MYH15: variants seen among roughly 807,000 people sequenced by gnomAD.
MYH15 encodes the protein myosin-15.
In MYH15, 227 loss-of-function variants were observed where a neutral mutation model predicts 240.5. The observed-to-expected ratio is 0.94, with a 90% CI of 0.85 to 1.05. MYH15 has a LOEUF of 1.05. Ranked by LOEUF, MYH15 falls within the 50% of genes least tolerant of loss-of-function variation. The pLI, the probability that MYH15 is intolerant of heterozygous loss-of-function variation, is 0.00. For synonymous variants in MYH15, 785 were observed against 796.7 expected, an observed-to-expected ratio of 0.99 and a Z score of 0.25; for missense variants, 2,217 against 2,247.5, an observed-to-expected ratio of 0.99 and a Z score of 0.27.
At chr3:108,396,466 A>G (rs1208134328) in intron 35 of MYH15, among the ~76,000 whole-genome samples, 1 of 152,184 alleles carries the variant, frequency 6.6e-6, no homozygotes, top group Non-Finnish European at 1.5e-5. Context: ...TTGCACTCCT[A>G]TGAGAATCTA....
At position 108,454,048 on chromosome 3, in the gene MYH15, C is replaced by A. The variant is rs746095022; in HGVS notation, c.2357G>T (p.Gly786Val). 6.2e-7 allele frequency: 1 copy of A among 1,612,762 alleles called. No individual in the cohort carries two copies. The highest frequency in any genetic ancestry group is 1.1e-5 in the South Asian group (1 of 90,890). ...VFTLFQARAQ[G>V]KLMRIKFQKI... The stretch of plus-strand genomic sequence containing the variant: ...CTGGAATTTGATTCGCATCAGTTTG[C>A]CCTGTGCTCTGGCTTGGAACAATGT... Residue 786 changes from glycine to valine, a missense_variant, in exon 21 of 41, where the codon GGC becomes GTC. Physicochemically the swap from Gly to Val is moderately radical, Grantham distance 109 (BLOSUM62 -3). Coordinates refer to ENST00000693548, the MANE Select transcript of MYH15 (RefSeq NM_014981.3).
chr3:108,540,924 T>G, the MYH15 span, among the ~76,000 whole-genome samples: 2 of 152,096 alleles, frequency 1.3e-5, no homozygotes. Context: ...GTACAAAATA[T>G]GTATATTCAT....
upstream of MYH15, among the ~76,000 whole-genome samples, chr3:108,529,612 CAACAAGGTGGGGA>C (rs2083698782): frequency 6.6e-6 from 1 of 152,124 alleles, no homozygotes; most frequent in Non-Finnish European, 1.5e-5. Flanking sequence ...CATTTTCTTC[CAACAAGGTGGGGA>C]AACAGGGAAA....
In MYH15 at chr3:108,520,697, G is replaced by A. The variant is rs79691594; in HGVS notation, c.-58+8566C>T. 7.5e-3 allele frequency among the ~76,000 whole-genome samples: 1,141 copies of A among 152,226 alleles called. 97 individuals are homozygous for A. In the East Asian group the frequency reaches 0.19, roughly 25 times the overall value. ...ATATTAAAAGAGAAGCAGCAACACC[G>A]TCTCTGGTGGCATCAATTTTGGAGT... On this transcript the variant is annotated intron_variant, in intron 1 of 41. Coordinates refer to the MYH15 transcript ENST00000273353.
chr3:108,401,723 T>TC (rs2082507390), intron 33 of MYH15, among the ~76,000 whole-genome samples: 1 of 152,226 alleles, frequency 6.6e-6, no homozygotes, highest in African/African-American at 2.4e-5. Flanking sequence ...ACTGCACTTT[T>TC]CCCACAGTTG....
chr3:108,540,153 T>C, the MYH15 span, among the ~76,000 whole-genome samples: 1 of 152,198 alleles, frequency 6.6e-6, no homozygotes, highest in Non-Finnish European at 1.5e-5. Context: ...TAGTTATATA[T>C]TGACCAAACA....
At chr3:108,491,810 T>G (rs939100155) in intron 9 of MYH15, among the ~76,000 whole-genome samples, 2 of 152,208 alleles carry the variant, frequency 1.3e-5, no homozygotes, top group Non-Finnish European at 2.9e-5. Flanking sequence ...CTGGTCTCTC[T>G]GTTCCCTGCT....
chr3:108,471,949 T>C (rs762676930), intron 12 of MYH15, among the ~76,000 whole-genome samples: 10 of 152,226 alleles, frequency 6.6e-5, no homozygotes, highest in Non-Finnish European at 1.3e-4. Flanking sequence ...CTAACCTTTC[T>C]GGAAAGCAAC....
chr3:108,526,601 A>G (rs148639428), intron 1 of MYH15, among the ~76,000 whole-genome samples: 4 of 152,316 alleles, frequency 2.6e-5, no homozygotes, highest in African/African-American at 9.6e-5. Context: ...AAACAAGCCA[A>G]TAATAATTGC....
chr3:108,478,058 A>G (rs2083235550), intron 11 of MYH15, among the ~76,000 whole-genome samples: 1 of 152,164 alleles, frequency 6.6e-6, no homozygotes, highest in South Asian at 2.1e-4. Context: ...AATGTCTTAT[A>G]ATAGAAGGTA....
In MYH15 at chr3:108,381,470, C is replaced by T. The variant is rs2082342987; in HGVS notation, c.*75G>A. ...ACATGTTTTTAAAAATGTTTCCATG[C>T]AACCTAAGTTTTTGGCCATGAAACA... is the stretch of plus-strand genomic sequence containing the variant. On this transcript the variant is annotated 3_prime_UTR_variant, in exon 41 of 41. Coordinates refer to ENST00000693548, the MANE Select transcript of MYH15 (RefSeq NM_014981.3). The T allele has an allele frequency of 3.3e-6, 5 of 1,510,812 alleles. No individual in the cohort carries two copies. The highest frequency in any genetic ancestry group is 4.6e-6 in the Non-Finnish European group (5 of 1,087,006). The allele number at this position is 1,510,812 out of a possible 1,614,324, so 93.6% of individuals were successfully genotyped here.
At chr3:108,393,890 G>C in intron 36 of MYH15, 141 bp downstream of exon 36, 1 of 1,196,798 alleles carries the variant, frequency 8.4e-7, no homozygotes, top group Non-Finnish European at 1.2e-6. Context: ...GAACAGGGAG[G>C]CAGAGAGGTC....
At chr3:108,450,536 A>C (rs949772747) in intron 21 of MYH15, among the ~76,000 whole-genome samples, 1 of 152,208 alleles carries the variant, frequency 6.6e-6, no homozygotes, top group South Asian at 2.1e-4. Context: ...GGTTACCAGC[A>C]GCCAGGGCAT....
intron 25 of MYH15, among the ~76,000 whole-genome samples, chr3:108,436,854 A>T (rs1426349459): frequency 1.3e-5 from 2 of 152,180 alleles, no homozygotes; most frequent in Admixed American, 6.5e-5. Flanking sequence ...TAATCTAAAT[A>T]AATTGAAAAT....
intron 18 of MYH15, among the ~76,000 whole-genome samples, chr3:108,459,064 C>T (rs2083048869): frequency 6.6e-6 from 1 of 152,080 alleles, no homozygotes; most frequent in Non-Finnish European, 1.5e-5. Context: ...TCCTTGTAGA[C>T]AATGGCATGG....
chr3:108,467,774 C>A (rs145647122), intron 14 of MYH15, among the ~76,000 whole-genome samples: 1 of 151,912 alleles, frequency 6.6e-6, no homozygotes, highest in Non-Finnish European at 1.5e-5. Flanking sequence ...TATATTAATA[C>A]TTTAATATGT....
At chr3:108,481,901 A>G (rs2083270815) in intron 11 of MYH15, among the ~76,000 whole-genome samples, 1 of 152,132 alleles carries the variant, frequency 6.6e-6, no homozygotes, top group Admixed American at 6.5e-5. Flanking sequence ...GCCATTGTTG[A>G]GTTTAGAGCA....
intron 21 of MYH15, among the ~76,000 whole-genome samples, chr3:108,449,124 T>C (rs2082952353): frequency 6.6e-6 from 1 of 152,012 alleles, no homozygotes; most frequent in African/African-American, 2.4e-5. Context: ...ATATCTTGTG[T>C]TCATGAATTG....
chr3:108,446,288 T>C (rs933583164), intron 21 of MYH15, among the ~76,000 whole-genome samples: 1 of 152,128 alleles, frequency 6.6e-6, no homozygotes, highest in Non-Finnish European at 1.5e-5. Flanking sequence ...TAAGATCTAG[T>C]GTATACAGCC....
Sources: gnomAD v4.1 joint callset for allele counts (sites outside exome capture counted in the v4.1 genomes callset) on GRCh38, gnomAD v4.1.1 for gene constraint, MANE v1.5 for transcripts, NCBI Gene and HGNC (gene_info 2026-07-23, HGNC 2026-07-21) for gene names.